The following GAN variants were observed in gnomAD, a reference collection of about 807,000 sequenced individuals.
The protein encoded by GAN is epididymis secretory sperm binding protein.
Under a neutral mutation model 71.3 loss-of-function variants are expected in GAN, and 48 were observed. The ratio of observed to expected loss-of-function variants is 0.67; its 90% CI spans 0.53 to 0.86. The LOEUF (loss-of-function observed/expected upper bound fraction) is 0.86, where lower values mean the gene tolerates loss of function less well. Ranked by LOEUF, GAN falls within the 40% of genes least tolerant of loss-of-function variation. GAN has a pLI of 0.00. For synonymous variants in GAN, 386 were observed against 276.8 expected (o/e 1.39, Z -3.92); for missense variants, 928 against 770.1 (o/e 1.21, Z -2.43).
intron 1 of GAN, among the ~76,000 whole-genome samples, chr16:81,316,570 A>AG (rs1567476388): frequency 6.6e-6 from 1 of 152,220 alleles, no homozygotes; most frequent in Non-Finnish European, 1.5e-5. Context: ...GACAGCTTCT[A>AG]GCTGGCAGTT....
At chr16:81,364,258 TACTC>T (rs1387753252) in intron 7 of GAN, among the ~76,000 whole-genome samples, 1 of 152,082 alleles carries the variant, frequency 6.6e-6, no homozygotes, top group Non-Finnish European at 1.5e-5. Flanking sequence ...TTCCCTCTCT[TACTC>T]TCTCTCTCTC....
At chr16:81,346,504 A>G (rs555110932) in intron 1 of GAN, among the ~76,000 whole-genome samples, 61 of 152,316 alleles carry the variant, frequency 4.0e-4, no homozygotes, top group Admixed American at 1.0e-3. Flanking sequence ...AGATTCTCAT[A>G]GGAGCGCGAA....
chr16:81,360,862 G>A (rs1337296447), intron 5 of GAN, among the ~76,000 whole-genome samples: 1 of 152,014 alleles, frequency 6.6e-6, no homozygotes, highest in African/African-American at 2.4e-5. Context: ...GCTTCTGCTG[G>A]TCTTTTCTTA....
rs1904470722 is a variant in GAN at position 81,388,556 on chromosome 16, C to T, written c.*10960C>T. On this transcript the variant is annotated 3_prime_UTR_variant, in exon 11 of 11. Transcript: ENST00000648994. ...GCCAGCCCCAGAGGCCCTCAGGGCT[C>T]CCCCTCCAAGCCGGGAGGGCAGGCA... is the stretch of plus-strand genomic sequence containing the variant. The T allele has an allele frequency of 6.5e-6, 1 of 153,320 alleles. No individual in the cohort carries two copies. The highest frequency in any genetic ancestry group is 1.4e-5 in the Non-Finnish European group (1 of 68,996). 9.5% of individuals were successfully genotyped at this position (153,320 alleles called of 1,614,324 possible).
intron 1 of GAN, among the ~76,000 whole-genome samples, chr16:81,325,555 A>G (rs1909357660): frequency 6.6e-6 from 1 of 152,168 alleles, no homozygotes; most frequent in Non-Finnish European, 1.5e-5. Context: ...CTGAAGCCCT[A>G]CTTTAAGAAG....
In GAN at chr16:81,315,215, G is replaced by A. The variant is rs961237342; in HGVS notation, c.102G>A (p.Leu34=). 6.3e-7 allele frequency: 1 copy of A among 1,580,972 alleles called. No homozygotes were observed. Among genetic ancestry groups the A allele is most frequent in the Non-Finnish European group, 8.6e-7 (1 of 1,165,868 alleles). The stretch of plus-strand genomic sequence containing the variant: ...AGTCTCGCTTCTGCGACGCGCACCT[G>A]GTCCTCGACGGGGAGGAGATCCCGG... ...REESRFCDAH[L]VLDGEEIPVQ... Residue 34 remains leucine, a synonymous_variant, in exon 1 of 11, where the codon CTG becomes CTA. Coordinates refer to ENST00000648994, the MANE Select transcript of GAN (RefSeq NM_022041.4).
chr16:81,356,791 A>T lies in GAN; in HGVS notation c.640A>T (p.Met214Leu), dbSNP rs778132221. ...AHDTEIRKVH[M>L]KDVMSALWVS... is the part of the protein sequence containing the mutation. ...TTTCTTCCCTCTTCTGCAGGTCCAC[A>T]TGAAGGATGTTATGTCAGCTCTGTG... is the stretch of plus-strand genomic sequence containing the variant. Residue 214 changes from methionine to leucine, a missense_variant, in exon 4 of 11, where the codon ATG (methionine) becomes TTG (leucine). Met to Leu is a conservative substitution (Grantham distance 15, BLOSUM62 2). Transcript: ENST00000648994. The T allele has an allele frequency of 6.2e-7, 1 of 1,609,330 alleles. No individual in the cohort carries two copies. Among genetic ancestry groups the T allele is most frequent in the Non-Finnish European group, 8.5e-7 (1 of 1,175,636 alleles).
chr16:81,341,229 T>G (rs750793409), intron 1 of GAN, among the ~76,000 whole-genome samples: 6 of 152,142 alleles, frequency 3.9e-5, no homozygotes, highest in Non-Finnish European at 7.3e-5. Context: ...TGCAGGATAT[T>G]ATCCAGGAGA....
intron 1 of GAN, among the ~76,000 whole-genome samples, 155 bp downstream of exon 1, chr16:81,315,435 G>A (rs1022186141): frequency 6.6e-6 from 1 of 151,722 alleles, no homozygotes; most frequent in Non-Finnish European, 1.5e-5. Context: ...GGCAAGCGCC[G>A]GAACCCGGCC....
chr16:81,345,475 TC>T (rs1910088656), intron 1 of GAN, among the ~76,000 whole-genome samples: 1 of 152,130 alleles, frequency 6.6e-6, no homozygotes, highest in Admixed American at 6.5e-5. Flanking sequence ...AAACCATCAT[TC>T]TCAGCAAACT....
rs1904449460 is a variant in GAN at position 81,387,869 on chromosome 16, G to A, written c.*10273G>A. On this transcript the variant is annotated 3_prime_UTR_variant, in exon 11 of 11. Transcript: ENST00000648994. ...GTCTGCTCAGAAATAGGGGAAACACGGGATCAAGATCATTAGAGATTTATA... is the reference window on the plus strand; with the variant it reads ...GTCTGCTCAGAAATAGGGGAAACACAGGATCAAGATCATTAGAGATTTATA... The A allele has an allele frequency of 6.6e-6, 1 of 152,042 alleles. No homozygotes were observed. Among genetic ancestry groups the A allele is most frequent in the Admixed American group, 6.6e-5 (1 of 15,254 alleles). The allele number at this position is 152,042 out of a possible 1,614,324, so 9.4% of individuals were successfully genotyped here.
At position 81,357,906 on chromosome 16, in the gene GAN, A is replaced by G; in HGVS notation, c.948A>G (p.Arg316=). ...WIELAPLSMP[R]INHGVLSAEG... is the part of the protein sequence containing the mutation. ...AACTGGCCCCTTTAAGCATGCCGAG[A>G]ATTAACCATGGAGTTCTCTCAGCAG... is the stretch of plus-strand genomic sequence containing the variant. Residue 316 remains arginine, a synonymous_variant, in exon 5 of 11, where the codon AGA becomes AGG. Transcript: ENST00000648994. The G allele has an allele frequency of 6.2e-7, 1 of 1,613,916 alleles. No individual in the cohort carries two copies. Among genetic ancestry groups the G allele is most frequent in the Non-Finnish European group, 8.5e-7 (1 of 1,179,862 alleles).
chr16:81,328,195 A>T (rs17773867), intron 1 of GAN, among the ~76,000 whole-genome samples: 1 of 152,208 alleles, frequency 6.6e-6, no homozygotes, highest in African/African-American at 2.4e-5. Context: ...GGGAAATTAC[A>T]TTGGAGCTTC....
At chr16:81,370,839 A>T (rs1332301213) in intron 9 of GAN, among the ~76,000 whole-genome samples, 1 of 152,158 alleles carries the variant, frequency 6.6e-6, no homozygotes, top group Admixed American at 6.5e-5. Context: ...CCTTTTACTT[A>T]CTTTGGGTTT....
intron 1 of GAN, among the ~76,000 whole-genome samples, chr16:81,331,171 C>G (rs1909564098): frequency 6.6e-6 from 1 of 152,164 alleles, no homozygotes; most frequent in African/African-American, 2.4e-5. Flanking sequence ...CACCACTGCG[C>G]TCTACCCTGG....
intron 1 of GAN, among the ~76,000 whole-genome samples, chr16:81,343,078 G>A (rs897136447): frequency 6.6e-6 from 1 of 152,108 alleles, no homozygotes; most frequent in African/African-American, 2.4e-5. Flanking sequence ...ACTAAACCAG[G>A]AAGAAGTTGA....
At chr16:81,375,585 C>G (rs1023940814) in intron 9 of GAN, among the ~76,000 whole-genome samples, 4 of 152,166 alleles carry the variant, frequency 2.6e-5, no homozygotes, top group East Asian at 1.9e-4. Flanking sequence ...CTCAACCTCC[C>G]AAAGTATTGG....
At chr16:81,345,543 C>G (rs186261780) in intron 1 of GAN, among the ~76,000 whole-genome samples, 52 of 151,762 alleles carry the variant, frequency 3.4e-4, no homozygotes, top group African/African-American at 1.2e-3. Context: ...GGAAGTTGAA[C>G]AATGAGAACA....
chr16:81,334,757 C>T (rs1011221485), intron 1 of GAN, among the ~76,000 whole-genome samples: 1 of 152,132 alleles, frequency 6.6e-6, no homozygotes, highest in Admixed American at 6.5e-5. Context: ...ACCACTCAGC[C>T]GGTTCATGAT....
Sources: allele counts gnomAD v4.1 joint callset (sites outside exome capture counted in the v4.1 genomes callset), GRCh38; gene constraint gnomAD v4.1.1; transcripts MANE v1.5; gene names NCBI Gene and HGNC (gene_info 2026-07-23, HGNC 2026-07-21).